NFIB: variants seen among roughly 807,000 people sequenced by gnomAD.
The protein encoded by NFIB is nuclear factor 1 B-type.
In NFIB, 11 loss-of-function variants were observed where a neutral mutation model predicts 61.5. That is an observed-to-expected ratio of 0.18 (90% CI 0.11 to 0.30). The LOEUF (loss-of-function observed/expected upper bound fraction) is 0.30, where lower values mean the gene tolerates loss of function less well. Among genes scored for constraint, NFIB ranks in the 10% least tolerant of loss-of-function variants. NFIB has a pLI of 1.00. For missense variants in NFIB, 471 were observed against 608.9 expected (o/e 0.77, Z 2.38); for synonymous variants, 260 against 216.5 (o/e 1.20, Z -1.76).
intron 2 of NFIB, among the ~76,000 whole-genome samples, chr9:14,293,343 C>T (rs1284501774): frequency 3.9e-5 from 6 of 152,162 alleles, no homozygotes; most frequent in Admixed American, 3.3e-4. Context: ...TTCCATAGTA[C>T]TCTGTATATA....
chr9:14,428,926 T>C, the NFIB span, among the ~76,000 whole-genome samples: 8 of 152,160 alleles, frequency 5.3e-5, no homozygotes, highest in Non-Finnish European at 1.2e-4. Context: ...AAAAAGCCCC[T>C]GGTCTTTGAT....
chr9:14,506,251 G>A, the NFIB span, among the ~76,000 whole-genome samples: 2 of 152,086 alleles, frequency 1.3e-5, no homozygotes, highest in Non-Finnish European at 1.5e-5. Flanking sequence ...GCTTGGGGGA[G>A]GGGAGATTGC....
rs1328923431 is a variant in NFIB at position 14,272,642 on chromosome 9, C to A, written c.562+34347G>T. On this transcript the variant is annotated intron_variant, in intron 2 of 10. Transcript: ENST00000380953. ...ACATCGGCCTGCTCCACTTTATCTT[C>A]TACCTCCAGGAAAGTCATCCACAGT... 2.1e-5 allele frequency among the ~76,000 whole-genome samples: 3 copies of A among 142,866 alleles called. No homozygotes were observed. In the East Asian group the frequency reaches 6.3e-4, roughly 30 times the overall value. 93.7% of individuals were successfully genotyped at this position (142,866 alleles called of 152,430 possible).
chr9:14,109,693 G>A (rs1162212571), intron 10 of NFIB, among the ~76,000 whole-genome samples: 1 of 152,086 alleles, frequency 6.6e-6, no homozygotes, highest in Non-Finnish European at 1.5e-5. Context: ...TAAAGAAAAA[G>A]TCTAAAGTCA....
chr9:14,445,829 G>C, the NFIB span, among the ~76,000 whole-genome samples: 1 of 152,008 alleles, frequency 6.6e-6, no homozygotes, highest in Non-Finnish European at 1.5e-5. Context: ...TTACATATTT[G>C]TCACTTTTCA....
chr9:14,475,713 T>C, the NFIB span, among the ~76,000 whole-genome samples: 1 of 152,106 alleles, frequency 6.6e-6, no homozygotes, highest in Non-Finnish European at 1.5e-5. Flanking sequence ...AACCCACCTG[T>C]CAAATTCACA....
At chr9:14,325,174 T>C (rs2060738733) in intron 1 of NFIB, among the ~76,000 whole-genome samples, 1 of 152,060 alleles carries the variant, frequency 6.6e-6, no homozygotes, top group African/African-American at 2.4e-5. Flanking sequence ...TCTTTTGTTA[T>C]AAATTATAAA....
intron 1 of NFIB, among the ~76,000 whole-genome samples, chr9:14,393,024 C>A (rs1020329426): frequency 1.2e-4 from 18 of 152,132 alleles, no homozygotes; most frequent in Admixed American, 3.9e-4. Context: ...CTTTGCTGGG[C>A]AAGTCTATTT....
chr9:14,463,989 C>T, the NFIB span, among the ~76,000 whole-genome samples: 34 of 152,276 alleles, frequency 2.2e-4, no homozygotes, highest in African/African-American at 7.7e-4. Flanking sequence ...ACACAATCTA[C>T]GATGGGGTCT....
At chr9:14,334,763 A>G (rs2132857436) in intron 1 of NFIB, among the ~76,000 whole-genome samples, 1 of 152,326 alleles carries the variant, frequency 6.6e-6, no homozygotes, top group South Asian at 2.1e-4. Context: ...ATATACACCC[A>G]TGAAACCATT....
At chr9:14,525,153 C>A in the NFIB span, among the ~76,000 whole-genome samples, 932 of 152,238 alleles carry the variant, frequency 6.1e-3, 13 homozygotes, top group African/African-American at 0.022. Context: ...AGCTCTGGAG[C>A]GAGTGTCCTG....
chr9:14,299,484 G>A (rs1157436053), intron 2 of NFIB, among the ~76,000 whole-genome samples: 1 of 152,124 alleles, frequency 6.6e-6, no homozygotes, highest in Non-Finnish European at 1.5e-5. Flanking sequence ...AAAACTGCAT[G>A]TATTTAACAT....
intron 2 of NFIB, among the ~76,000 whole-genome samples, chr9:14,266,247 A>G (rs750784978): frequency 1.3e-5 from 2 of 152,080 alleles, no homozygotes; most frequent in Non-Finnish European, 2.9e-5. Flanking sequence ...CACTCTTTTT[A>G]ATTGACTACT....
intron 7 of NFIB, among the ~76,000 whole-genome samples, chr9:14,123,029 G>A (rs530013794): frequency 3.2e-4 from 49 of 152,056 alleles, no homozygotes; most frequent in African/African-American, 1.0e-3. Flanking sequence ...TGGGTGGAGT[G>A]GATCACTTGA....
chr9:14,248,959 C>G (rs1317964358), intron 2 of NFIB, among the ~76,000 whole-genome samples: 1 of 152,160 alleles, frequency 6.6e-6, no homozygotes, highest in African/African-American at 2.4e-5. Flanking sequence ...ACACCTGAAT[C>G]AAACTGTACC....
chr9:14,436,989 C>G, the NFIB span, among the ~76,000 whole-genome samples: 1 of 152,100 alleles, frequency 6.6e-6, no homozygotes, highest in East Asian at 1.9e-4. Context: ...GAAGGCATTA[C>G]GAGAGAGAGG....
At chr9:14,421,890 G>T in the NFIB span, among the ~76,000 whole-genome samples, 2 of 152,116 alleles carry the variant, frequency 1.3e-5, no homozygotes, top group Non-Finnish European at 2.9e-5. Flanking sequence ...GGACTCCAAA[G>T]ATAATTCATG....
At chr9:14,217,457 T>A (rs952823466) in intron 2 of NFIB, among the ~76,000 whole-genome samples, 4 of 152,068 alleles carry the variant, frequency 2.6e-5, no homozygotes, top group Non-Finnish European at 5.9e-5. Flanking sequence ...GGTCAAGAGT[T>A]CAAGACCAGC....
intron 2 of NFIB, among the ~76,000 whole-genome samples, chr9:14,281,954 G>A (rs1481221210): frequency 1.3e-5 from 2 of 152,012 alleles, no homozygotes; most frequent in Non-Finnish European, 2.9e-5. Context: ...TCAAATATCT[G>A]TACTTTAAAA....
Sources: gnomAD v4.1 joint callset for allele counts (sites outside exome capture counted in the v4.1 genomes callset) on GRCh38, gnomAD v4.1.1 for gene constraint, MANE v1.5 for transcripts, NCBI Gene and HGNC (gene_info 2026-07-23, HGNC 2026-07-21) for gene names.